BID: variants seen among roughly 807,000 people sequenced by gnomAD.
BID encodes the protein BH3 interacting domain death agonist.
BID carries 19 observed loss-of-function variants against 17.4 expected under a neutral mutation model. The ratio of observed to expected loss-of-function variants is 1.09; its 90% CI spans 0.76 to 1.60. The LOEUF (loss-of-function observed/expected upper bound fraction) is 1.60. Among genes scored for constraint, BID ranks in the 40% most tolerant of loss-of-function variants. The pLI is 0.00. For missense variants in BID, 226 were observed against 256.0 expected (o/e 0.88, Z 0.80); for synonymous variants, 108 against 102.8 (o/e 1.05, Z -0.31).
chr22:17,767,337 A>T (rs938344325), intron 1 of BID, among the ~76,000 whole-genome samples: 1 of 152,198 alleles, frequency 6.6e-6, no homozygotes, highest in African/African-American at 2.4e-5. Flanking sequence ...ACCAATCAGA[A>T]TAGAGTTCCT....
At chr22:17,762,567 T>TG (rs1601873906) in intron 1 of BID, among the ~76,000 whole-genome samples, 2 of 130,082 alleles carry the variant, frequency 1.5e-5, no homozygotes, top group East Asian at 5.1e-4. Flanking sequence ...TTTTTTTTTT[T>TG]GGAGACAGGG....
intron 1 of BID, among the ~76,000 whole-genome samples, chr22:17,754,590 T>C (rs1244261572): frequency 1.3e-5 from 2 of 152,240 alleles, no homozygotes; most frequent in Non-Finnish European, 2.9e-5. Context: ...GATAGAGGCA[T>C]GGGTCACACG....
chr22:17,743,836 T>C lies in BID; in HGVS notation c.190A>G (p.Ser64Gly). The C allele has an allele frequency of 1.9e-6, 3 of 1,611,384 alleles. No homozygotes were observed. Among genetic ancestry groups the C allele is most frequent in the Non-Finnish European group, 2.5e-6 (3 of 1,179,524 alleles). ...YDELQTDGNR[S>G]SHSRLGRIEA... is the part of the protein sequence containing the mutation. ...ATTCTTCCCAAGCGGGAGTGGCTGC[T>C]GCGGTTGCCATCAGTCTGCAGCTCA... is the stretch of plus-strand genomic sequence containing the variant. The change falls in exon 3 of 6, where the codon AGC (serine) becomes GGC (glycine). Residue 64 changes from serine (S) to glycine (G), a missense_variant. By Grantham distance (56) the Ser-to-Gly change is moderately conservative. Coordinates refer to ENST00000622694, the MANE Select transcript of BID (RefSeq NM_001196.4).
At chr22:17,735,861 C>T (rs2061415679) in intron 5 of BID, among the ~76,000 whole-genome samples, 1 of 152,206 alleles carries the variant, frequency 6.6e-6, no homozygotes, top group South Asian at 2.1e-4. Flanking sequence ...GATTCTGCCT[C>T]AGCCCTCAGT....
chr22:17,764,908 G>A (rs2145917310), intron 1 of BID, among the ~76,000 whole-genome samples: 1 of 152,294 alleles, frequency 6.6e-6, no homozygotes, highest in South Asian at 2.1e-4. Flanking sequence ...CAATGCTCCT[G>A]CATCTGAAAT....
At chr22:17,751,769 G>A (rs372655) in intron 1 of BID, among the ~76,000 whole-genome samples, 28,315 of 152,194 alleles carry the variant, frequency 0.19, 2,730 homozygotes, top group African/African-American at 0.22. Context: ...GTGTGTGGCC[G>A]TGCATTTCAT....
At chr22:17,755,004 C>T (rs1435676134) in intron 1 of BID, among the ~76,000 whole-genome samples, 4 of 151,910 alleles carry the variant, frequency 2.6e-5, no homozygotes, top group Non-Finnish European at 4.4e-5. Flanking sequence ...ACTTCATGAT[C>T]GCCCACCTTG....
rs769081918 is a variant in BID, at chr22:17,743,823, C to T, written c.203G>A (p.Arg68His). Residue 68 changes from arginine to histidine, a missense_variant, in exon 3 of 6, where the codon CGC (arginine) becomes CAC (histidine). Arg to His is a conservative substitution (Grantham distance 29, BLOSUM62 0). Coordinates refer to ENST00000622694, the MANE Select transcript of BID (RefSeq NM_001196.4). ...CCTACCTGCCTCTATTCTTCCCAAGCGGGAGTGGCTGCTGCGGTTGCCATC... is the reference window on the plus strand; with the variant it reads ...CCTACCTGCCTCTATTCTTCCCAAGTGGGAGTGGCTGCTGCGGTTGCCATC... ...QTDGNRSSHS[R>H]LGRIEADSES... The T allele has an allele frequency of 1.6e-5, 26 of 1,612,750 alleles. No homozygotes were observed. In the South Asian group the frequency reaches 2.5e-4, roughly 16 times the overall value.
chr22:17,734,570 T>TG lies in BID; in HGVS notation c.*1009dup, dbSNP rs1263151107. On this transcript the variant is annotated 3_prime_UTR_variant, in exon 6 of 6. Transcript: ENST00000622694. ...TTATTTTGGTACTACCTAAGTGACT[T>TG]GGTTTTGACTGTCCCTAAGAGAGGG... is the stretch of plus-strand genomic sequence containing the variant. 1 of 152,226 alleles carries TG rather than the reference T, an allele frequency of 6.6e-6. No individual in the cohort carries two copies. The highest frequency in any genetic ancestry group is 1.5e-5 in the Non-Finnish European group (1 of 68,036). 9.4% of individuals were successfully genotyped at this position (152,226 alleles called of 1,614,324 possible). A position where few individuals can be genotyped will look rare whatever the true frequency, so the allele number is the denominator to read the frequency against.
At chr22:17,759,246 C>CAAAAAAAAAAAAAAAAAAAAAAAAAA (rs61124020) in intron 1 of BID, among the ~76,000 whole-genome samples, 1 of 114,788 alleles carries the variant, frequency 8.7e-6, no homozygotes, top group African/African-American at 3.1e-5. Context: ...AAAAACAAAA[C>CAAAAAAAAAAAAAAAAAAAAAAAAAA]AAAAAAAAAA....
chr22:17,744,094 G>T, intron 2 of BID, 81 bp from the exon 3 acceptor site: 2 of 1,281,226 alleles, frequency 1.6e-6, no homozygotes, highest in Non-Finnish European at 2.2e-6. Context: ...GTTGCAGCTG[G>T]CCCAAAGAGC....
intron 2 of BID, among the ~76,000 whole-genome samples, chr22:17,745,787 G>T (rs2061491308): frequency 6.6e-6 from 1 of 152,146 alleles, no homozygotes; most frequent in African/African-American, 2.4e-5. Context: ...CCAACATGAT[G>T]AAACCTTGTC....
intron 1 of BID, among the ~76,000 whole-genome samples, chr22:17,760,388 G>A (rs2061628489): frequency 7.0e-6 from 1 of 143,360 alleles, no homozygotes; most frequent in South Asian, 2.3e-4. Context: ...GGAGGCGGGG[G>A]TTGCAGTGAG....
chr22:17,746,464 C>G (rs930192767), intron 2 of BID, among the ~76,000 whole-genome samples: 1 of 152,180 alleles, frequency 6.6e-6, no homozygotes, highest in African/African-American at 2.4e-5. Flanking sequence ...AATTCTTGTA[C>G]GGAGCAGCCG....
chr22:17,747,846 G>A (rs894572293), intron 2 of BID, among the ~76,000 whole-genome samples: 31 of 151,774 alleles, frequency 2.0e-4, no homozygotes, highest in Admixed American at 3.9e-4. Context: ...GGGAAGCCGA[G>A]GCGGGCGGAT....
chr22:17,740,079 T>C, intron 3 of BID: 1 of 1,611,328 alleles, frequency 6.2e-7, no homozygotes, highest in Non-Finnish European at 8.5e-7. Flanking sequence ...CCTGCCCGAG[T>C]ACCACTGTCG....
At position 17,735,476 on chromosome 22, in the gene BID, T is replaced by C; in HGVS notation, c.*104A>G. The stretch of plus-strand genomic sequence containing the variant: ...CACAGCTATCTTCCAGCCTGTCTTC[T>C]CTAGGAACGCTGTTGACATGCCAGG... On this transcript the variant is annotated 3_prime_UTR_variant, in exon 6 of 6. Coordinates refer to ENST00000622694, the MANE Select transcript of BID (RefSeq NM_001196.4). 7.3e-7 allele frequency: 1 copy of C among 1,375,824 alleles called. No individual in the cohort carries two copies. The highest frequency in any genetic ancestry group is 2.3e-5 in the East Asian group (1 of 43,460). 85.2% of individuals were successfully genotyped at this position (1,375,824 alleles called of 1,614,324 possible). A position where few individuals can be genotyped will look rare whatever the true frequency, so the allele number is the denominator to read the frequency against.
rs2061704260 is a variant in BID, at chr22:17,769,521, G to GTGTGTGGGCCACAGAGAAGCACCC, written c.-59+4836_-59+4859dup. Among the ~76,000 whole-genome samples, 1 of 152,246 alleles carries GTGTGTGGGCCACAGAGAAGCACCC rather than the reference G, an allele frequency of 6.6e-6. No homozygotes were observed. The highest frequency in any genetic ancestry group is 2.4e-5 in the African/African-American group (1 of 41,470). On this transcript the variant is annotated intron_variant, in intron 1 of 5. Coordinates refer to ENST00000622694, the MANE Select transcript of BID (RefSeq NM_001196.4). This position sits in a 1 kb window ranked among gnomAD's most constrained non-coding sequence, Gnocchi z 4.8. ...CGGACGTGGCCATCAGGCCGGAAGG[G>GTGTGTGGGCCACAGAGAAGCACCC]TGTGTGGGCCACAGAGAAGCACCCT...
At chr22:17,759,401 A>C (rs2061619938) in intron 1 of BID, among the ~76,000 whole-genome samples, 1 of 151,620 alleles carries the variant, frequency 6.6e-6, no homozygotes, top group South Asian at 2.1e-4. Context: ...CTCTACTAAA[A>C]ATACAAAAAT....
Sources: gnomAD v4.1 joint callset for allele counts (sites outside exome capture counted in the v4.1 genomes callset) on GRCh38, gnomAD v4.1.1 for gene constraint, Gnocchi (gnomAD v3.1) non-coding constraint, MANE v1.5 for transcripts, NCBI Gene and HGNC (gene_info 2026-07-23, HGNC 2026-07-21) for gene names.